Variants in DRC8 observed in about 807,000 individuals in gnomAD.
DRC8 encodes dynein regulatory complex protein 8.
chr1:245,108,983 G>T, the DRC8 span, among the ~76,000 whole-genome samples: 76 of 152,168 alleles, frequency 5.0e-4, no homozygotes, highest in Non-Finnish European at 9.6e-4. Context: ...TGGTGTAGTT[G>T]TTGTATTTGG....
the DRC8 span, among the ~76,000 whole-genome samples, chr1:245,022,033 C>G: frequency 6.6e-6 from 1 of 152,138 alleles, no homozygotes; most frequent in Non-Finnish European, 1.5e-5. Flanking sequence ...ATTTTATTTT[C>G]CTTTTTCATT....
At chr1:245,072,214 A>C in the DRC8 span, among the ~76,000 whole-genome samples, 1 of 152,246 alleles carries the variant, frequency 6.6e-6, no homozygotes. Context: ...AATGTGGTAC[A>C]TCCAGACAAT....
chr1:244,999,852 C>T, the DRC8 span, among the ~76,000 whole-genome samples: 1 of 152,166 alleles, frequency 6.6e-6, no homozygotes, highest in African/African-American at 2.4e-5. Flanking sequence ...TGCTGTGTCA[C>T]CCAGGCTGGA....
chr1:245,107,049 C>G, the DRC8 span: 1 of 152,106 alleles, frequency 6.6e-6, no homozygotes, highest in Non-Finnish European at 1.5e-5. Flanking sequence ...TGTCTCAACA[C>G]AAACAAAACA....
At chr1:245,078,472 C>G in the DRC8 span, among the ~76,000 whole-genome samples, 1 of 95,146 alleles carries the variant, frequency 1.1e-5, no homozygotes, top group East Asian at 3.2e-4. Flanking sequence ...CACACACACA[C>G]ACGTATGTAA....
At chr1:244,980,879 T>C in the DRC8 span, among the ~76,000 whole-genome samples, 2 of 152,104 alleles carry the variant, frequency 1.3e-5, no homozygotes, top group African/African-American at 2.4e-5. Flanking sequence ...CCAGAAAAAA[T>C]GGATACAATT....
At chr1:245,045,439 A>T in the DRC8 span, among the ~76,000 whole-genome samples, 26 of 152,262 alleles carry the variant, frequency 1.7e-4, no homozygotes, top group Non-Finnish European at 3.7e-4. Flanking sequence ...TTCATTGAAA[A>T]TGAAAGTACA....
the DRC8 span, among the ~76,000 whole-genome samples, chr1:245,043,635 A>G: frequency 3.4e-4 from 51 of 152,122 alleles, no homozygotes; most frequent in African/African-American, 1.2e-3. Context: ...CAAGAGTAGT[A>G]TTTGATTTCT....
chr1:245,090,403 C>T, the DRC8 span, among the ~76,000 whole-genome samples: 1 of 152,220 alleles, frequency 6.6e-6, no homozygotes, highest in African/African-American at 2.4e-5. Context: ...TTCTTTTCTT[C>T]TCCTGTGTTA....
At chr1:245,056,031 G>C in the DRC8 span, among the ~76,000 whole-genome samples, 1 of 152,152 alleles carries the variant, frequency 6.6e-6, no homozygotes, top group Non-Finnish European at 1.5e-5. Context: ...AGCCTTCCTA[G>C]TAGCTGAGAC....
chr1:245,059,554 GC>G, the DRC8 span: 3 of 995,214 alleles, frequency 3.0e-6, no homozygotes, highest in African/African-American at 3.3e-5. Flanking sequence ...AAAAAAAAGT[GC>G]CCCAAACTAC....
chr1:245,014,301 A>G, the DRC8 span, among the ~76,000 whole-genome samples: 1 of 152,196 alleles, frequency 6.6e-6, no homozygotes, highest in African/African-American at 2.4e-5. Context: ...GTAAAGAAAT[A>G]ATTGAAGATC....
At chr1:245,055,650 GTGAT>G in the DRC8 span, among the ~76,000 whole-genome samples, 1 of 152,114 alleles carries the variant, frequency 6.6e-6, no homozygotes, top group Non-Finnish European at 1.5e-5. Context: ...TCTGAACTCA[GTGAT>G]TGATGCAGTC....
chr1:245,014,302 A>G, the DRC8 span, among the ~76,000 whole-genome samples: 1 of 152,314 alleles, frequency 6.6e-6, no homozygotes, highest in African/African-American at 2.4e-5. Context: ...TAAAGAAATA[A>G]TTGAAGATCC....
the DRC8 span, among the ~76,000 whole-genome samples, chr1:245,109,509 T>C: frequency 0.022 from 3,339 of 152,286 alleles, 126 homozygotes; most frequent in East Asian, 0.14. Flanking sequence ...CTCATGCCGG[T>C]ACGCCTGGGT....
At chr1:245,047,182 C>G in the DRC8 span, among the ~76,000 whole-genome samples, 1 of 152,332 alleles carries the variant, frequency 6.6e-6, no homozygotes, top group East Asian at 1.9e-4. Context: ...CCGTTGAAAA[C>G]CCACGTGTAA....
the DRC8 span, among the ~76,000 whole-genome samples, chr1:245,058,125 C>T: frequency 6.6e-6 from 1 of 152,132 alleles, no homozygotes; most frequent in Non-Finnish European, 1.5e-5. Flanking sequence ...TCTGTAGTCC[C>T]AGCTACTTGG....
chr1:245,014,031 CAAAAAAAA>C, the DRC8 span, among the ~76,000 whole-genome samples: 1 of 93,150 alleles, frequency 1.1e-5, no homozygotes, highest in African/African-American at 4.4e-5. Context: ...GACTCCATCT[CAAAAAAAA>C]AAAAAAAAAA....
chr1:245,120,483 A>G, the DRC8 span, among the ~76,000 whole-genome samples: 1 of 152,138 alleles, frequency 6.6e-6, no homozygotes, highest in South Asian at 2.1e-4. Context: ...TTTGTTTATT[A>G]TTTGTATTTT....
Sources: gnomAD v4.1 joint callset for allele counts (sites outside exome capture counted in the v4.1 genomes callset) on GRCh38, gnomAD v4.1.1 for gene constraint, MANE v1.5 for transcripts, NCBI Gene and HGNC (gene_info 2026-07-23, HGNC 2026-07-21) for gene names.